The following SLC24A2 variants were observed in gnomAD, a reference collection of about 807,000 sequenced individuals.
The protein encoded by SLC24A2 is sodium/potassium/calcium exchanger 2.
SLC24A2 carries 36 observed loss-of-function variants against 62.0 expected under a neutral mutation model. The ratio of observed to expected loss-of-function variants is 0.58; its 90% CI spans 0.44 to 0.77. The LOEUF (loss-of-function observed/expected upper bound fraction) is 0.77. SLC24A2 is among the 30% of genes least tolerant of loss of function. SLC24A2 has a pLI of 0.00. For missense variants in SLC24A2, 846 were observed against 817.9 expected, an observed-to-expected ratio of 1.03 and a Z score of -0.42; for synonymous variants, 358 against 294.0, an observed-to-expected ratio of 1.22 and a Z score of -2.23.
chr9:20,217,551 T>A, the SLC24A2 span, among the ~76,000 whole-genome samples: 2 of 152,152 alleles, frequency 1.3e-5, no homozygotes, highest in African/African-American at 4.8e-5. Context: ...CAGGTTAGTC[T>A]TCCTAAAAAA....
chr9:20,123,103 G>C, the SLC24A2 span, among the ~76,000 whole-genome samples: 1 of 152,144 alleles, frequency 6.6e-6, no homozygotes, highest in East Asian at 1.9e-4. Context: ...CAGTTCTAGA[G>C]GCTAGGAGGT....
chr9:20,086,799 C>T, the SLC24A2 span, among the ~76,000 whole-genome samples: 6 of 152,228 alleles, frequency 3.9e-5, no homozygotes, highest in South Asian at 4.1e-4. Flanking sequence ...TGTTCCTGCC[C>T]GTGAGAACCT....
At chr9:20,259,184 G>A in the SLC24A2 span, among the ~76,000 whole-genome samples, 5 of 152,152 alleles carry the variant, frequency 3.3e-5, no homozygotes, top group Admixed American at 2.0e-4. Context: ...AGAGCCTCCA[G>A]GAAAAATTGA....
the SLC24A2 span, among the ~76,000 whole-genome samples, chr9:20,040,539 C>T: frequency 2.0e-5 from 3 of 152,192 alleles, no homozygotes; most frequent in Non-Finnish European, 4.4e-5. Flanking sequence ...TCAACCCCCA[C>T]CAAATGACCG....
At chr9:19,984,471 C>T in the SLC24A2 span, among the ~76,000 whole-genome samples, 3 of 152,068 alleles carry the variant, frequency 2.0e-5, no homozygotes, top group African/African-American at 7.2e-5. Flanking sequence ...TTTGGGAGGC[C>T]AAGGTATGTA....
chr9:20,204,454 T>C, the SLC24A2 span, among the ~76,000 whole-genome samples: 1 of 152,240 alleles, frequency 6.6e-6, no homozygotes, highest in Non-Finnish European at 1.5e-5. Context: ...AAGATTATTT[T>C]TTATGTGAAT....
chr9:19,584,752 TAAAC>T (rs891783584), intron 5 of SLC24A2, among the ~76,000 whole-genome samples: 38 of 152,266 alleles, frequency 2.5e-4, no homozygotes, highest in Middle Eastern at 3.4e-3. Flanking sequence ...AATTTCATCT[TAAAC>T]AAAACCACCA....
the SLC24A2 span, among the ~76,000 whole-genome samples, chr9:20,177,055 A>G: frequency 6.6e-6 from 1 of 152,220 alleles, no homozygotes; most frequent in Admixed American, 6.5e-5. Flanking sequence ...TTAAATTATT[A>G]CCATGGTTAT....
the SLC24A2 span, among the ~76,000 whole-genome samples, chr9:20,285,421 G>A: frequency 6.6e-6 from 1 of 152,210 alleles, no homozygotes; most frequent in Non-Finnish European, 1.5e-5. Flanking sequence ...CAAGGCTGAA[G>A]GCCTAGAACC....
chr9:20,067,796 C>T, the SLC24A2 span, among the ~76,000 whole-genome samples: 1 of 152,062 alleles, frequency 6.6e-6, no homozygotes, highest in East Asian at 1.9e-4. Context: ...CTGATGGGCA[C>T]CTAGGTTGAT....
chr9:20,006,157 A>G, the SLC24A2 span, among the ~76,000 whole-genome samples: 1 of 151,504 alleles, frequency 6.6e-6, no homozygotes, highest in Non-Finnish European at 1.5e-5. Context: ...ATATATACCT[A>G]CTTTTCATAT....
chr9:19,716,014 C>T (rs1022608127), intron 2 of SLC24A2, among the ~76,000 whole-genome samples: 2 of 152,120 alleles, frequency 1.3e-5, no homozygotes, highest in African/African-American at 4.8e-5. Context: ...AATATATGGG[C>T]AAAATATACA....
the SLC24A2 span, among the ~76,000 whole-genome samples, chr9:20,058,137 T>C: frequency 6.6e-6 from 1 of 152,220 alleles, no homozygotes; most frequent in African/African-American, 2.4e-5. Context: ...AGTTAACATG[T>C]TGTGATGTTC....
At chr9:19,655,883 G>A (rs969812241) in intron 2 of SLC24A2, among the ~76,000 whole-genome samples, 82 of 152,246 alleles carry the variant, frequency 5.4e-4, no homozygotes, top group African/African-American at 2.0e-3. Flanking sequence ...TCTTCCACAG[G>A]TATGGGAGAA....
intron 8 of SLC24A2, among the ~76,000 whole-genome samples, chr9:19,542,259 T>C (rs1834307655): frequency 6.6e-6 from 1 of 152,222 alleles, no homozygotes; most frequent in Admixed American, 6.5e-5. Flanking sequence ...TATTGGTGTA[T>C]ATGAATGCTT....
chr9:19,766,827 G>C (rs553925555), intron 2 of SLC24A2, among the ~76,000 whole-genome samples: 2 of 152,318 alleles, frequency 1.3e-5, no homozygotes, highest in East Asian at 3.9e-4. Context: ...TGCTGTGCTG[G>C]GAGATCTGCT....
At chr9:19,761,611 T>C (rs1338913277) in intron 2 of SLC24A2, among the ~76,000 whole-genome samples, 2 of 152,246 alleles carry the variant, frequency 1.3e-5, no homozygotes, top group Non-Finnish European at 2.9e-5. Context: ...TAGGTATATC[T>C]CCTAATGCTG....
chr9:20,073,493 C>A, the SLC24A2 span, among the ~76,000 whole-genome samples: 3 of 152,050 alleles, frequency 2.0e-5, no homozygotes, highest in Non-Finnish European at 4.4e-5. Flanking sequence ...CCCACCAACA[C>A]TTAAGGGGAG....
At chr9:19,958,379 G>A in the SLC24A2 span, among the ~76,000 whole-genome samples, 32 of 152,262 alleles carry the variant, frequency 2.1e-4, 2 homozygotes, top group East Asian at 6.2e-3. Context: ...AGGCTTCCCT[G>A]GTAAAGTCCA....
Sources: allele counts gnomAD v4.1 joint callset (sites outside exome capture counted in the v4.1 genomes callset), GRCh38; gene constraint gnomAD v4.1.1; transcripts MANE v1.5; gene names NCBI Gene and HGNC (gene_info 2026-07-23, HGNC 2026-07-21).